Variants in DISC1 observed in about 807,000 individuals in gnomAD.
DISC1 encodes disrupted in schizophrenia 1 protein.
DISC1 carries 57 observed loss-of-function variants against 84.5 expected under a neutral mutation model. The observed-to-expected ratio is 0.67, with a 90% confidence interval of 0.55 to 0.84. DISC1 has a LOEUF of 0.84. Among genes scored for constraint, DISC1 ranks in the 40% least tolerant of loss-of-function variants. The probability of loss-of-function intolerance (pLI) is 0.00; values close to 1 mark genes in which losing one functional copy is unlikely to be tolerated. For synonymous variants in DISC1, 411 were observed against 415.2 expected, an observed-to-expected ratio of 0.99 and a Z score of 0.12; for missense variants, 1,000 against 1,057.8, an observed-to-expected ratio of 0.95 and a Z score of 0.76.
intron 2 of DISC1, among the ~76,000 whole-genome samples, chr1:231,695,288 G>C (rs1410286101): frequency 6.6e-6 from 1 of 152,198 alleles, no homozygotes; most frequent in Non-Finnish European, 1.5e-5. Context: ...CTTCGCTTCT[G>C]GTCATTGAAC....
In DISC1 at chr1:232,009,454, A is replaced by T; in HGVS notation, c.2307+405A>T. On this transcript the variant is annotated intron_variant, in intron 11 of 12. Coordinates refer to ENST00000439617, the MANE Select transcript of DISC1 (RefSeq NM_018662.3). This position sits in a 1 kb window ranked among gnomAD's most constrained non-coding sequence, Gnocchi z 4.6. ...CATTATGTATTGTATGTCATATATG[A>T]TGTTTATATATTTAGAATCTATATA... The T allele has an allele frequency of 1.9e-6, 1 of 523,274 alleles. No homozygotes were observed. Among genetic ancestry groups the T allele is most frequent in the Non-Finnish European group, 2.3e-6 (1 of 443,358 alleles). The allele number at this position is 523,274 out of a possible 1,614,324, so 32.4% of individuals were successfully genotyped here. A position where few individuals can be genotyped will look rare whatever the true frequency, so the allele number is the denominator to read the frequency against.
chr1:231,938,085 C>T (rs917943509), intron 9 of DISC1, among the ~76,000 whole-genome samples: 2 of 152,110 alleles, frequency 1.3e-5, no homozygotes, highest in African/African-American at 2.4e-5. Flanking sequence ...GCTGGGTTTT[C>T]TTTTCCCTCC....
chr1:231,701,555 T>C (rs1294529020), intron 2 of DISC1, among the ~76,000 whole-genome samples: 1 of 152,208 alleles, frequency 6.6e-6, no homozygotes, highest in African/African-American at 2.4e-5. Context: ...GTTCATGCTC[T>C]TTTTCTCTTG....
chr1:231,667,873 G>A (rs1433622936), intron 1 of DISC1, among the ~76,000 whole-genome samples: 1 of 151,888 alleles, frequency 6.6e-6, no homozygotes, highest in Admixed American at 6.6e-5. Flanking sequence ...CTACTTTATT[G>A]AGGTCTTATT....
At chr1:231,963,934 C>T (rs947515423) in intron 10 of DISC1, among the ~76,000 whole-genome samples, 1 of 152,176 alleles carries the variant, frequency 6.6e-6, no homozygotes, top group African/African-American at 2.4e-5. Flanking sequence ...CAGGGATTTT[C>T]ACAGTGCTTT....
At chr1:231,856,469 G>A (rs2084279710) in intron 9 of DISC1, among the ~76,000 whole-genome samples, 1 of 152,210 alleles carries the variant, frequency 6.6e-6, no homozygotes, top group South Asian at 2.1e-4. Context: ...TTAAGGATGA[G>A]CTTACTTCCA....
At chr1:231,758,470 T>G (rs1320013097) in intron 4 of DISC1, among the ~76,000 whole-genome samples, 3 of 152,080 alleles carry the variant, frequency 2.0e-5, no homozygotes, top group Admixed American at 2.0e-4. Flanking sequence ...GAAGACCCAT[T>G]TCCTAGATGG....
Position 231,630,636 on chromosome 1 carries a change from A to T in DISC1, c.67+3702A>T, listed in dbSNP as rs1432054814. ...AGCCATTTTTCAGTCAGCACCGTTT[A>T]GTAATATAAGACTTTTAGCCTCGAG... On this transcript the variant is annotated intron_variant, in intron 1 of 12. Coordinates refer to ENST00000439617, the MANE Select transcript of DISC1 (RefSeq NM_018662.3). The surrounding 1 kb of genome is among the most constrained non-coding windows in gnomAD (Gnocchi z 4.4). Among the ~76,000 whole-genome samples, 1 of 152,132 alleles carries T rather than the reference A, an allele frequency of 6.6e-6. No individual in the cohort carries two copies. The highest frequency in any genetic ancestry group is 1.5e-5 in the Non-Finnish European group (1 of 68,036).
rs1315883987 is a variant in DISC1, at chr1:232,039,861, TGTAA to T, written c.*3033_*3036del. 3 of 152,190 alleles carry T rather than the reference TGTAA, an allele frequency of 2.0e-5. No homozygotes were observed. The highest frequency in any genetic ancestry group is 4.4e-5 in the Non-Finnish European group (3 of 68,042). The allele number at this position is 152,190 out of a possible 1,614,324, so 9.4% of individuals were successfully genotyped here. ...ATTTGACTGGGATGTTTTATGAGAA[TGTAA>T]GTGTGATATTATACTGTCTGCCTTG... On this transcript the variant is annotated 3_prime_UTR_variant, in exon 13 of 13. Coordinates refer to ENST00000439617, the MANE Select transcript of DISC1 (RefSeq NM_018662.3).
At chr1:231,904,034 C>G (rs1034295118) in intron 9 of DISC1, among the ~76,000 whole-genome samples, 2 of 151,742 alleles carry the variant, frequency 1.3e-5, no homozygotes, top group Non-Finnish European at 3.0e-5. Flanking sequence ...GGACACTGGC[C>G]CTGCAGGGAG....
At chr1:231,886,776 T>C (rs530149851) in intron 9 of DISC1, among the ~76,000 whole-genome samples, 25 of 92,854 alleles carry the variant, frequency 2.7e-4, no homozygotes, top group East Asian at 8.3e-4. Context: ...CCTTTCTTTC[T>C]TTCTTTCTTT....
At chr1:231,845,474 C>A (rs1226874645) in intron 9 of DISC1, among the ~76,000 whole-genome samples, 1 of 152,090 alleles carries the variant, frequency 6.6e-6, no homozygotes, top group Non-Finnish European at 1.5e-5. Flanking sequence ...GCACGGGGAA[C>A]ACAGAATTGC....
chr1:231,882,852 C>G lies in DISC1; in HGVS notation c.1981+64335C>G, dbSNP rs528601436. Among the ~76,000 whole-genome samples the G allele has an allele frequency of 4.6e-5, 7 of 152,106 alleles. No individual in the cohort carries two copies. In the East Asian group the frequency reaches 1.4e-3, roughly 30 times the overall value. ...TGGACAGTCTATTATGTGTTCATCACTGTGCATAATGATGGGCCTGTAGGG... is the reference window on the plus strand; with the variant it reads ...TGGACAGTCTATTATGTGTTCATCAGTGTGCATAATGATGGGCCTGTAGGG... On this transcript the variant is annotated intron_variant, in intron 9 of 12. Transcript: ENST00000439617.
At chr1:231,963,243 A>G (rs1265549885) in intron 10 of DISC1, among the ~76,000 whole-genome samples, 1 of 137,556 alleles carries the variant, frequency 7.3e-6, no homozygotes, top group Non-Finnish European at 1.5e-5. Flanking sequence ...ATGCTTCCCA[A>G]TGCCATTGCA....
At chr1:231,663,843 A>G (rs2061759404) in intron 1 of DISC1, among the ~76,000 whole-genome samples, 1 of 152,190 alleles carries the variant, frequency 6.6e-6, no homozygotes, top group Non-Finnish European at 1.5e-5. Context: ...TTACTGTTAT[A>G]TAGATGCAGA....
In DISC1 at chr1:232,041,022, A is replaced by C. The variant is rs2103079056; in HGVS notation, c.*4191A>C. The stretch of plus-strand genomic sequence containing the variant: ...CTTGTATATGTAATTCAATACTTTT[A>C]CTTTTAATATCCTCACCTTATCTAA... On this transcript the variant is annotated 3_prime_UTR_variant, in exon 13 of 13. Transcript: ENST00000439617. 1 of 152,292 alleles carries C rather than the reference A, an allele frequency of 6.6e-6. No individual in the cohort carries two copies. Among genetic ancestry groups the C allele is most frequent in the South Asian group, 2.1e-4 (1 of 4,826 alleles). The allele number at this position is 152,292 out of a possible 1,614,324, so 9.4% of individuals were successfully genotyped here.
intron 2 of DISC1, among the ~76,000 whole-genome samples, chr1:231,695,567 G>A (rs928461128): frequency 2.2e-4 from 34 of 152,148 alleles, no homozygotes; most frequent in African/African-American, 7.5e-4. Flanking sequence ...TAATCCTGGT[G>A]TGTGTGTGCA....
intron 10 of DISC1, among the ~76,000 whole-genome samples, chr1:232,001,611 A>C (rs1339931583): frequency 6.6e-6 from 1 of 152,204 alleles, no homozygotes; most frequent in Non-Finnish European, 1.5e-5. Context: ...ATTTTTGGCG[A>C]AGGTATAAAA....
rs1194203624 is a variant in DISC1 at position 231,675,358 on chromosome 1, G to A, written c.68-18468G>A. 6.6e-6 allele frequency among the ~76,000 whole-genome samples: 1 copy of A among 152,090 alleles called. No individual in the cohort carries two copies. The highest frequency in any genetic ancestry group is 1.5e-5 in the Non-Finnish European group (1 of 68,030). ...GCCCTACCCTATTGCACATTTTAGT[G>A]TGGCTTAGCTCTGTTGCCTTTGTGG... On this transcript the variant is annotated intron_variant, in intron 1 of 12. Coordinates refer to ENST00000439617, the MANE Select transcript of DISC1 (RefSeq NM_018662.3). The surrounding 1 kb of genome is among the most constrained non-coding windows in gnomAD (Gnocchi z 4.1).
Sources: gnomAD v4.1 joint callset for allele counts (sites outside exome capture counted in the v4.1 genomes callset) on GRCh38, gnomAD v4.1.1 for gene constraint, Gnocchi (gnomAD v3.1) non-coding constraint, MANE v1.5 for transcripts, NCBI Gene and HGNC (gene_info 2026-07-23, HGNC 2026-07-21) for gene names.